Variants in DNPEP observed in about 807,000 individuals in gnomAD.
DNPEP encodes the protein aspartyl aminopeptidase.
Under a neutral mutation model 59.1 loss-of-function variants are expected in DNPEP, and 46 were observed. The observed-to-expected ratio is 0.78, with a 90% CI of 0.61 to 0.99. DNPEP has a LOEUF of 0.99. Among genes scored for constraint, DNPEP ranks in the 50% least tolerant of loss-of-function variants. DNPEP has a pLI of 0.00. For missense variants in DNPEP, 617 were observed against 649.9 expected, an observed-to-expected ratio of 0.95 and a Z score of 0.55; for synonymous variants, 229 against 242.2, an observed-to-expected ratio of 0.95 and a Z score of 0.50.
intron 8 of DNPEP, chr2:219,384,678 C>T (rs1021602403): frequency 2.3e-5 from 9 of 387,526 alleles, no homozygotes; most frequent in East Asian, 1.2e-4. Flanking sequence ...AAAGGATTCT[C>T]GTGCCTCAGC....
At chr2:219,379,465 G>A (rs912196475) in intron 13 of DNPEP, among the ~76,000 whole-genome samples, 17 of 151,938 alleles carry the variant, frequency 1.1e-4, no homozygotes, top group African/African-American at 4.1e-4. Flanking sequence ...TAACCAAAAA[G>A]TTTAAAAATT....
chr2:219,381,450 A>G lies in DNPEP; in HGVS notation c.1138-14T>C, dbSNP rs774185548. ...GATCACGGGGCCCTGGGGAGAGTCA[A>G]GGTGAGGCAGAGGTAATGACAGGCC... is the stretch of plus-strand genomic sequence containing the variant. On this transcript the variant is annotated splice_polypyrimidine_tract_variant and intron_variant, in intron 12 of 14. Transcript: ENST00000273075. The G allele has an allele frequency of 1.1e-5, 17 of 1,614,198 alleles. No homozygotes were observed. The South Asian group carries it at 1.9e-4, about 18-fold the overall frequency.
intron 8 of DNPEP, chr2:219,384,760 G>C (rs537406059): frequency 2.1e-4 from 54 of 258,390 alleles, no homozygotes; most frequent in African/African-American, 1.1e-3. Context: ...TTAGAGACAG[G>C]GTTTCACCAT....
upstream of DNPEP, among the ~76,000 whole-genome samples, chr2:219,391,943 A>G (rs189114976): frequency 4.1e-4 from 63 of 152,348 alleles, no homozygotes; most frequent in African/African-American, 1.5e-3. Context: ...TTGAGTGAAA[A>G]AAAAAAGCAA....
upstream of DNPEP, among the ~76,000 whole-genome samples, chr2:219,392,197 C>T (rs1160005658): frequency 6.6e-6 from 1 of 152,184 alleles, no homozygotes; most frequent in Admixed American, 6.5e-5. Flanking sequence ...CTGAGAAAAT[C>T]TTCCCTGGAA....
Position 219,374,112 on chromosome 2 carries a change from TC to T in DNPEP, c.*179del. 1 of 607,158 alleles carries T rather than the reference TC, an allele frequency of 1.6e-6. No homozygotes were observed. Among genetic ancestry groups the T allele is most frequent in the Non-Finnish European group, 2.9e-6 (1 of 342,980 alleles). 37.6% of individuals were successfully genotyped at this position (607,158 alleles called of 1,614,324 possible). A position where few individuals can be genotyped will look rare whatever the true frequency, so the allele number is the denominator to read the frequency against. On this transcript the variant is annotated 3_prime_UTR_variant, in exon 15 of 15. Coordinates refer to ENST00000273075, the MANE Select transcript of DNPEP (RefSeq NM_012100.4). ...CAGGAGTGTGGCCTCCTCCACCTGC[TC>T]CCCAACTTTTCTGGTTCCAAAGGTT...
chr2:219,381,028 A>G (rs1953574405), intron 13 of DNPEP, among the ~76,000 whole-genome samples: 1 of 152,198 alleles, frequency 6.6e-6, no homozygotes, highest in Non-Finnish European at 1.5e-5. Flanking sequence ...ACCATGTGCC[A>G]GGAGCACACT....
At chr2:219,387,014 G>C in intron 2 of DNPEP, 34 bp from the exon 3 acceptor site, 1 of 1,613,684 alleles carries the variant, frequency 6.2e-7, no homozygotes, top group Non-Finnish European at 8.5e-7. Flanking sequence ...AGCGATGGAA[G>C]CTGGTGAAGG....
intron 1 of DNPEP, among the ~76,000 whole-genome samples, chr2:219,396,212 T>C (rs772168481): frequency 9.9e-5 from 15 of 152,198 alleles, no homozygotes; most frequent in African/African-American, 1.4e-4. Flanking sequence ...ATGTCTTGAT[T>C]ATAATGGTGG....
chr2:219,387,586 G>GC, intron 1 of DNPEP, 173 bp downstream of exon 1: 1 of 1,517,386 alleles, frequency 6.6e-7, no homozygotes, highest in Middle Eastern at 1.7e-4. Context: ...CTAGTCTCTC[G>GC]CAGGACTCCC....
chr2:219,397,554 A>G (rs1313137118), intron 1 of DNPEP, among the ~76,000 whole-genome samples: 1 of 152,176 alleles, frequency 6.6e-6, no homozygotes, highest in Non-Finnish European at 1.5e-5. Flanking sequence ...AGTTCAGATT[A>G]AGACATTACA....
chr2:219,382,244 T>G, intron 10 of DNPEP, 105 bp from the exon 11 acceptor site: 1 of 1,322,220 alleles, frequency 7.6e-7, no homozygotes, highest in Non-Finnish European at 1.0e-6. Context: ...CCCCACTGAG[T>G]CACTGGGTGT....
upstream of DNPEP, chr2:219,388,772 G>A: frequency 1.0e-6 from 1 of 985,522 alleles, no homozygotes; most frequent in Middle Eastern, 5.2e-4. Context: ...AAAGCAATAA[G>A]GCTAATGTCC....
At chr2:219,387,715 G>C (rs1345747145) in intron 1 of DNPEP, 44 bp downstream of exon 1, 1 of 1,607,202 alleles carries the variant, frequency 6.2e-7, no homozygotes, top group Non-Finnish European at 8.5e-7. Context: ...CGCCGGACCC[G>C]GTCTGGGATC....
At chr2:219,374,455 C>T in intron 14 of DNPEP, 113 bp from the exon 15 acceptor site, 1 of 960,338 alleles carries the variant, frequency 1.0e-6, no homozygotes, top group Non-Finnish European at 1.6e-6. Flanking sequence ...GAGGTTTCAT[C>T]TGTTCTTGAC....
chr2:219,385,798 C>A, intron 6 of DNPEP, 92 bp from the exon 7 acceptor site: 1 of 1,411,868 alleles, frequency 7.1e-7, no homozygotes, highest in South Asian at 1.3e-5. Context: ...TGGGCAACTG[C>A]CTCTGCCCTT....
Position 219,387,912 on chromosome 2 carries a change from C to A in DNPEP, c.-118G>T. On this transcript the variant is annotated 5_prime_UTR_variant, in exon 1 of 15. Transcript: ENST00000273075. ...GCACTCGTAGGCCTTCATCACGCTT[C>A]CCCGGCCGCGCCGCCCCGCCCCATG... 2.2e-6 allele frequency: 3 copies of A among 1,377,744 alleles called. No individual in the cohort carries two copies. Among genetic ancestry groups the A allele is most frequent in the Non-Finnish European group, 1.9e-6 (2 of 1,069,008 alleles). The allele number at this position is 1,377,744 out of a possible 1,614,324, so 85.3% of individuals were successfully genotyped here.
chr2:219,381,714 C>T (rs958269757), intron 11 of DNPEP, 130 bp from the exon 12 acceptor site: 5 of 1,115,428 alleles, frequency 4.5e-6, no homozygotes, highest in Non-Finnish European at 6.8e-6. Flanking sequence ...ACTTCAGAGT[C>T]ATTCCACACA....
At chr2:219,387,635 G>C in intron 1 of DNPEP, 124 bp downstream of exon 1, 1 of 1,548,460 alleles carries the variant, frequency 6.5e-7, no homozygotes. Context: ...CACCCTCCGC[G>C]GGGCTTTCGG....
Sources: allele counts gnomAD v4.1 joint callset (sites outside exome capture counted in the v4.1 genomes callset), GRCh38; gene constraint gnomAD v4.1.1; transcripts MANE v1.5; gene names NCBI Gene and HGNC (gene_info 2026-07-23, HGNC 2026-07-21).